The following MANEA variants were observed in gnomAD, a reference collection of about 807,000 sequenced individuals.
MANEA encodes mannosidase endo-alpha.
A neutral mutation model predicts 36.8 loss-of-function variants in MANEA; 25 were observed. That is an observed-to-expected ratio of 0.68 (90% CI 0.50 to 0.95). The LOEUF (loss-of-function observed/expected upper bound fraction) is 0.95. Ranked by LOEUF, MANEA falls within the 40% of genes least tolerant of loss-of-function variation. The probability of loss-of-function intolerance (pLI) is 0.00; values close to 1 mark genes in which losing one functional copy is unlikely to be tolerated. For synonymous variants in MANEA, 198 were observed against 188.5 expected (o/e 1.05, Z -0.41); for missense variants, 565 against 558.8 (o/e 1.01, Z -0.11).
At chr6:95,586,276 A>T (rs376141961) in intron 1 of MANEA, 126 bp from the exon 2 acceptor site, 2 of 605,292 alleles carry the variant, frequency 3.3e-6, no homozygotes, top group South Asian at 4.4e-5. Flanking sequence ...AATTTCACCA[A>T]TATGTGATGA....
chr6:95,593,813 C>T (rs1478053390), intron 2 of MANEA, among the ~76,000 whole-genome samples: 3 of 151,732 alleles, frequency 2.0e-5, no homozygotes, highest in African/African-American at 4.8e-5. Flanking sequence ...TTTGGGAGGC[C>T]GAGGTGGGAG....
chr6:95,601,493 G>T (rs1769588808), intron 3 of MANEA, among the ~76,000 whole-genome samples: 1 of 152,106 alleles, frequency 6.6e-6, no homozygotes, highest in African/African-American at 2.4e-5. Context: ...AGAAAAGCAT[G>T]CCCCTTTCTG....
rs1217808211 is a variant in MANEA at position 95,608,677 on chromosome 6, C to A, written c.*2272C>A. On this transcript the variant is annotated 3_prime_UTR_variant, in exon 5 of 5. Transcript: ENST00000358812. ...CCCTTTTTAATAAAATAATTACAGT[C>A]ATCCCTCAGTGTCTGTGGGGGATTG... The A allele has an allele frequency of 6.6e-6, 1 of 151,746 alleles. No homozygotes were observed. The highest frequency in any genetic ancestry group is 1.5e-5 in the Non-Finnish European group (1 of 67,730). The allele number at this position is 151,746 out of a possible 1,614,324, so 9.4% of individuals were successfully genotyped here.
At chr6:95,603,052 A>C (rs59750979) in intron 3 of MANEA, among the ~76,000 whole-genome samples, 8,406 of 139,310 alleles carry the variant, frequency 0.06, 873 homozygotes, top group East Asian at 0.27. Context: ...AAAAAAAAAA[A>C]TTGCAAAGTA....
chr6:95,598,634 C>G (rs140065627), intron 3 of MANEA, among the ~76,000 whole-genome samples: 4 of 151,896 alleles, frequency 2.6e-5, no homozygotes, highest in African/African-American at 7.3e-5. Context: ...GTTTTATCTA[C>G]GGATAAAACA....
Position 95,582,173 on chromosome 6 carries a change from CTTTTTTTTTTTTTT to C in MANEA, c.-38-4214_-38-4201del, listed in dbSNP as rs67978183. ...TGGCATGCCAAAATGGTTGTATCAT[CTTTTTTTTTTTTTT>C]TTTTTTTTTTTTTTGAGACGGAGTC... On this transcript the variant is annotated intron_variant, in intron 1 of 4. Transcript: ENST00000358812. Among the ~76,000 whole-genome samples, 77 of 79,386 alleles carry C rather than the reference CTTTTTTTTTTTTTT, an allele frequency of 9.7e-4. 2 individuals are homozygous for C. In the East Asian group the frequency reaches 0.024, roughly 25 times the overall value. 52.1% of individuals were successfully genotyped at this position (79,386 alleles called of 152,430 possible). A position where few individuals can be genotyped will look rare whatever the true frequency, so the allele number is the denominator to read the frequency against.
At chr6:95,581,176 A>G (rs1309689567) in intron 1 of MANEA, among the ~76,000 whole-genome samples, 1 of 152,220 alleles carries the variant, frequency 6.6e-6, no homozygotes, top group Non-Finnish European at 1.5e-5. Context: ...CATTTGAACT[A>G]CAGAGCTCAT....
intron 1 of MANEA, among the ~76,000 whole-genome samples, chr6:95,583,590 G>A (rs980236827): frequency 3.3e-5 from 5 of 152,018 alleles, no homozygotes; most frequent in Admixed American, 6.5e-5. Context: ...GTTAACTTTA[G>A]TTAGATATGC....
intron 1 of MANEA, among the ~76,000 whole-genome samples, chr6:95,580,431 G>A (rs1769158211): frequency 1.3e-5 from 2 of 152,038 alleles, no homozygotes; most frequent in Admixed American, 1.3e-4. Context: ...TAATACATAA[G>A]GAATGACAAT....
intron 1 of MANEA, among the ~76,000 whole-genome samples, chr6:95,583,459 A>G (rs1164377236): frequency 6.6e-6 from 1 of 152,132 alleles, no homozygotes; most frequent in African/African-American, 2.4e-5. Flanking sequence ...TTATGTATGT[A>G]CCTGCATGCC....
chr6:95,600,207 G>A (rs960158264), intron 3 of MANEA, among the ~76,000 whole-genome samples: 10 of 152,120 alleles, frequency 6.6e-5, no homozygotes, highest in African/African-American at 2.4e-4. Context: ...TGATCTCTCT[G>A]TGCTAGGGAT....
rs1372465224 is a variant in MANEA, at chr6:95,577,613, T to TG, written c.-63dup. On this transcript the variant is annotated 5_prime_UTR_variant, in exon 1 of 5. An upstream open reading frame in the 5' UTR loses its in-frame stop. Coordinates refer to ENST00000358812, the MANE Select transcript of MANEA (RefSeq NM_024641.4). The stretch of plus-strand genomic sequence containing the variant: ...TTAACCTCTCCTCTGGCCGAGTCCT[T>TG]GCAAGAAGTGAATTACCCGACCCTG... The TG allele has an allele frequency of 1.3e-4, 20 of 152,320 alleles. 1 individual carries two copies. Among genetic ancestry groups the TG allele is most frequent in the Non-Finnish European group, 8.8e-5 (6 of 68,148 alleles). The allele number at this position is 152,320 out of a possible 1,614,324, so 9.4% of individuals were successfully genotyped here.
intron 1 of MANEA, among the ~76,000 whole-genome samples, chr6:95,577,947 C>T (rs563044761): frequency 7.9e-5 from 12 of 152,342 alleles, no homozygotes; most frequent in Admixed American, 5.2e-4. Flanking sequence ...TGAAACGGTA[C>T]CTCCTGTCGC....
chr6:95,586,866 A>T lies in MANEA; in HGVS notation c.427A>T (p.Arg143Ter). 1.9e-6 allele frequency: 3 copies of T among 1,613,710 alleles called. No homozygotes were observed. Among genetic ancestry groups the T allele is most frequent in the Non-Finnish European group, 2.5e-6 (3 of 1,179,692 alleles). The part of the protein sequence containing the change: ...PRIAKNYPQG[R>*]HNPPDDIGSS... ...AATAGCCAAGAATTATCCACAAGGGAGACACAACCCTCCAGATGACATTGG... is the reference window on the plus strand; with the variant it reads ...AATAGCCAAGAATTATCCACAAGGGTGACACAACCCTCCAGATGACATTGG... Residue 143 changes from arginine to a stop codon, truncating the protein, a stop_gained, in exon 2 of 5, where the codon AGA becomes TGA. Transcript: ENST00000358812. LOFTEE classifies it high-confidence loss of function.
At chr6:95,591,737 G>A (rs554673081) in intron 2 of MANEA, among the ~76,000 whole-genome samples, 6 of 152,034 alleles carry the variant, frequency 3.9e-5, no homozygotes, top group South Asian at 4.2e-4. Flanking sequence ...CCACCCTGTC[G>A]CCCAGGCTGG....
chr6:95,591,621 T>C, intron 2 of MANEA, among the ~76,000 whole-genome samples: 1 of 152,132 alleles, frequency 6.6e-6, no homozygotes, highest in Non-Finnish European at 1.5e-5. Flanking sequence ...TTTTTTGTTA[T>C]TTATCCTTCT....
chr6:95,601,716 ATTTTTTTTTTTTTTTTT>A (rs67335804), intron 3 of MANEA, among the ~76,000 whole-genome samples: 1 of 64,968 alleles, frequency 1.5e-5, no homozygotes, highest in Non-Finnish European at 2.7e-5. Flanking sequence ...AGATTCAGTG[ATTTTTTTTTTTTTTTTT>A]TTTTTTTTTT....
At chr6:95,591,779 C>T (rs6568939) in intron 2 of MANEA, among the ~76,000 whole-genome samples, 90,681 of 151,942 alleles carry the variant, frequency 0.6, 27,468 homozygotes, top group East Asian at 0.87. Context: ...CTCACTGTCA[C>T]TGCAACCTCT....
At chr6:95,602,287 T>A (rs1433264914) in intron 3 of MANEA, among the ~76,000 whole-genome samples, 1 of 152,190 alleles carries the variant, frequency 6.6e-6, no homozygotes, top group African/African-American at 2.4e-5. Flanking sequence ...TTCCCTAAAA[T>A]GCCTTGTAAT....
Sources: allele counts gnomAD v4.1 joint callset (sites outside exome capture counted in the v4.1 genomes callset), GRCh38; gene constraint gnomAD v4.1.1; transcripts MANE v1.5; gene names NCBI Gene and HGNC (gene_info 2026-07-23, HGNC 2026-07-21).